FSHR: variants seen among roughly 807,000 people sequenced by gnomAD.
FSHR encodes the protein follicle-stimulating hormone receptor.
Under a neutral mutation model 52.1 loss-of-function variants are expected in FSHR, and 46 were observed. That is an observed-to-expected ratio of 0.88 (90% CI 0.70 to 1.13). The LOEUF (loss-of-function observed/expected upper bound fraction) is 1.13, where lower values mean the gene tolerates loss of function less well. Among genes scored for constraint, FSHR ranks in the 50% most tolerant of loss-of-function variants. The pLI, the probability that FSHR is intolerant of heterozygous loss-of-function variation, is 0.00. For missense variants in FSHR, 964 were observed against 834.6 expected (o/e 1.16, Z -1.91); for synonymous variants, 399 against 309.6 (o/e 1.29, Z -3.03).
intron 1 of FSHR, among the ~76,000 whole-genome samples, chr2:49,073,969 G>A (rs1018321511): frequency 3.9e-5 from 6 of 152,010 alleles, no homozygotes; most frequent in Non-Finnish European, 1.5e-5. Flanking sequence ...ATTCTGCTGG[G>A]AAAATTGTAG....
At chr2:49,113,640 AT>A (rs1174466666) in intron 1 of FSHR, among the ~76,000 whole-genome samples, 4 of 151,890 alleles carry the variant, frequency 2.6e-5, no homozygotes, top group African/African-American at 9.7e-5. Flanking sequence ...TTCATTTTTT[AT>A]TTTCCCCCTA....
intron 1 of FSHR, among the ~76,000 whole-genome samples, chr2:49,100,691 T>TAGCTCTGG (rs1670994721): frequency 6.6e-6 from 1 of 152,212 alleles, no homozygotes; most frequent in African/African-American, 2.4e-5. Flanking sequence ...CTTAAATAGT[T>TAGCTCTGG]AGCTCTGGCT....
At chr2:49,073,193 T>C (rs1023125010) in intron 1 of FSHR, among the ~76,000 whole-genome samples, 1 of 152,062 alleles carries the variant, frequency 6.6e-6, no homozygotes, top group Non-Finnish European at 1.5e-5. Context: ...ATAATTATAC[T>C]GGAAGCTCTA....
chr2:49,000,070 A>G (rs761847988), intron 4 of FSHR, among the ~76,000 whole-genome samples: 3 of 152,120 alleles, frequency 2.0e-5, no homozygotes, highest in African/African-American at 7.2e-5. Flanking sequence ...AAAGTTCACA[A>G]TACACAAAAT....
chr2:49,020,027 G>T, intron 3 of FSHR, 59 bp downstream of exon 3: 1 of 1,411,030 alleles, frequency 7.1e-7, no homozygotes, highest in Non-Finnish European at 1.0e-6. Context: ...GAATGTAGAA[G>T]AACTTTAAGG....
intron 2 of FSHR, among the ~76,000 whole-genome samples, chr2:49,030,044 A>T (rs1668045305): frequency 6.6e-6 from 1 of 152,172 alleles, no homozygotes; most frequent in Non-Finnish European, 1.5e-5. Flanking sequence ...TCTGCGGCAG[A>T]CCTATCAGGG....
chr2:49,080,953 C>G (rs773517256), intron 1 of FSHR, among the ~76,000 whole-genome samples: 1 of 152,066 alleles, frequency 6.6e-6, no homozygotes, highest in African/African-American at 2.4e-5. Context: ...CAGAGTTTGC[C>G]GAGAAGTTAT....
chr2:49,089,000 G>C (rs73931524), intron 1 of FSHR, among the ~76,000 whole-genome samples: 4,194 of 151,998 alleles, frequency 0.028, 177 homozygotes, highest in African/African-American at 0.095. Context: ...TGAACTGTTA[G>C]AAATAAGAAC....
At chr2:49,079,375 G>T (rs1236603108) in intron 1 of FSHR, among the ~76,000 whole-genome samples, 3 of 152,052 alleles carry the variant, frequency 2.0e-5, no homozygotes, top group African/African-American at 7.2e-5. Context: ...TTTTGTATGG[G>T]TATGTGGAAA....
intron 1 of FSHR, among the ~76,000 whole-genome samples, chr2:49,147,855 G>T (rs987654200): frequency 2.6e-5 from 4 of 151,784 alleles, no homozygotes; most frequent in African/African-American, 7.3e-5. Context: ...TCAAGAGAAA[G>T]GATTATGTAT....
intron 2 of FSHR, among the ~76,000 whole-genome samples, chr2:49,054,531 GA>G (rs1668983747): frequency 6.6e-6 from 1 of 152,180 alleles, no homozygotes; most frequent in Non-Finnish European, 1.5e-5. Flanking sequence ...GGGCCTGAGA[GA>G]TAGCCCCAGG....
chr2:48,976,273 T>C (rs1367907588), intron 8 of FSHR, among the ~76,000 whole-genome samples: 1 of 152,210 alleles, frequency 6.6e-6, no homozygotes. Context: ...GTTCTGTTTA[T>C]GTGATGGATT....
chr2:49,111,632 C>T (rs532126349), intron 1 of FSHR, among the ~76,000 whole-genome samples: 44 of 152,158 alleles, frequency 2.9e-4, no homozygotes, highest in South Asian at 1.0e-3. Flanking sequence ...GCCTGGACGG[C>T]GGGTTTATTG....
chr2:49,097,355 G>A (rs1354775934), intron 1 of FSHR, among the ~76,000 whole-genome samples: 1 of 152,106 alleles, frequency 6.6e-6, no homozygotes, highest in Admixed American at 6.6e-5. Flanking sequence ...CAAGTTCACT[G>A]ACCTTTTTTC....
At chr2:49,118,354 C>G (rs1671680266) in intron 1 of FSHR, among the ~76,000 whole-genome samples, 3 of 152,064 alleles carry the variant, frequency 2.0e-5, no homozygotes, top group Admixed American at 2.0e-4. Context: ...CTTTCTCCCC[C>G]TCCTCAACTC....
intron 1 of FSHR, among the ~76,000 whole-genome samples, chr2:49,098,937 A>AACAC (rs34255462): frequency 5.1e-4 from 74 of 146,200 alleles, no homozygotes; most frequent in Admixed American, 2.6e-3. Flanking sequence ...GCAACACACA[A>AACAC]ACACACACAC....
chr2:49,141,095 C>G (rs1474588374), intron 1 of FSHR, among the ~76,000 whole-genome samples: 3 of 152,186 alleles, frequency 2.0e-5, no homozygotes, highest in African/African-American at 7.2e-5. Context: ...CAAACAGCTC[C>G]TTGACATTAG....
At chr2:49,110,229 A>T (rs1253554088) in intron 1 of FSHR, among the ~76,000 whole-genome samples, 3 of 152,200 alleles carry the variant, frequency 2.0e-5, no homozygotes. Context: ...TAATCCTCTC[A>T]GTATTCCATG....
intron 8 of FSHR, among the ~76,000 whole-genome samples, chr2:48,974,881 C>A (rs1399797535): frequency 6.6e-6 from 1 of 152,110 alleles, no homozygotes; most frequent in Non-Finnish European, 1.5e-5. Context: ...ACACACAGGT[C>A]TATTTGTTGG....
Sources: gnomAD v4.1 joint callset for allele counts (sites outside exome capture counted in the v4.1 genomes callset) on GRCh38, gnomAD v4.1.1 for gene constraint, MANE v1.5 for transcripts, NCBI Gene and HGNC (gene_info 2026-07-23, HGNC 2026-07-21) for gene names.